ISCA1: variants seen among roughly 807,000 people sequenced by gnomAD.
ISCA1 encodes iron-sulfur cluster assembly 1 homolog, mitochondrial.
Under a neutral mutation model 14.7 loss-of-function variants are expected in ISCA1, and 9 were observed. The observed-to-expected ratio is 0.61, with a 90% CI of 0.37 to 1.07. The LOEUF is 1.07. Ranked by LOEUF, ISCA1 falls within the 50% of genes least tolerant of loss-of-function variation. ISCA1 has a pLI of 0.01. For synonymous variants in ISCA1, 38 were observed against 54.3 expected (o/e 0.70, Z 1.32); for missense variants, 102 against 150.1 (o/e 0.68, Z 1.67).
At chr9:86,268,111 TAAAA>T (rs973454445) in intron 3 of ISCA1, among the ~76,000 whole-genome samples, 1 of 148,052 alleles carries the variant, frequency 6.8e-6, no homozygotes, top group Non-Finnish European at 1.5e-5. Context: ...CTTCTACTTA[TAAAA>T]AAAAAAGTTA....
chr9:86,265,944 C>T lies in ISCA1; in HGVS notation c.*99G>A. On this transcript the variant is annotated 3_prime_UTR_variant, in exon 4 of 4. Transcript: ENST00000375991. ...CTGGATTCATTTTCAAGATGTATCACTTTATTTTCCAGCACGTGACAGTCA... is the reference window on the plus strand; with the variant it reads ...CTGGATTCATTTTCAAGATGTATCATTTTATTTTCCAGCACGTGACAGTCA... 6.6e-7 allele frequency: 1 copy of T among 1,521,202 alleles called. No homozygotes were observed. The highest frequency in any genetic ancestry group is 1.1e-5 in the South Asian group (1 of 88,484). The allele number at this position is 1,521,202 out of a possible 1,614,324, so 94.2% of individuals were successfully genotyped here. A position where few individuals can be genotyped will look rare whatever the true frequency, so the allele number is the denominator to read the frequency against.
chr9:86,276,923 G>C (rs1438013705), intron 1 of ISCA1, among the ~76,000 whole-genome samples: 1 of 148,736 alleles, frequency 6.7e-6, no homozygotes, highest in Non-Finnish European at 1.5e-5. Flanking sequence ...ATATCCGCGG[G>C]AACTAAAATC....
At chr9:86,273,882 A>G (rs1052951892) in intron 2 of ISCA1, among the ~76,000 whole-genome samples, 1 of 152,216 alleles carries the variant, frequency 6.6e-6, no homozygotes, top group Non-Finnish European at 1.5e-5. Flanking sequence ...AATCTGCCCT[A>G]AAGTGTCAAC....
chr9:86,265,920 TG>T lies in ISCA1; in HGVS notation c.*122del. The T allele has an allele frequency of 6.9e-7, 1 of 1,445,282 alleles. No homozygotes were observed. Among genetic ancestry groups the T allele is most frequent in the Non-Finnish European group, 9.7e-7 (1 of 1,028,566 alleles). 89.5% of individuals were successfully genotyped at this position (1,445,282 alleles called of 1,614,324 possible). A position where few individuals can be genotyped will look rare whatever the true frequency, so the allele number is the denominator to read the frequency against. ...TCATTTCTTCTGGAATCCAACACACTGGATTCATTTTCAAGATGTATCACTT... is the reference window on the plus strand; with the variant it reads ...TCATTTCTTCTGGAATCCAACACACTGATTCATTTTCAAGATGTATCACTT... On this transcript the variant is annotated 3_prime_UTR_variant, in exon 4 of 4. Transcript: ENST00000375991.
intron 1 of ISCA1, among the ~76,000 whole-genome samples, chr9:86,281,640 C>A (rs762398352): frequency 2.0e-5 from 3 of 152,208 alleles, no homozygotes; most frequent in Non-Finnish European, 2.9e-5. Flanking sequence ...CTGAACGGTG[C>A]GGCCGGAACA....
At position 86,282,431 on chromosome 9, in the gene ISCA1, C is replaced by T; in HGVS notation, c.28G>A (p.Val10Ile). 2 of 1,555,884 alleles carry T rather than the reference C, an allele frequency of 1.3e-6. No homozygotes were observed. The highest frequency in any genetic ancestry group is 2.4e-5 in the South Asian group (2 of 84,512). ...AGCTTCCTCTTGCTCACAGCCCGGA[C>T]AGTTGCCCGGACTAAGGAAGCCGAC... is the stretch of plus-strand genomic sequence containing the variant. MSASLVRAT[V>I]RAVSKRKLQP... The change falls in exon 1 of 4, where the codon GTC (valine) becomes ATC (isoleucine). Residue 10 changes from valine to isoleucine, a missense_variant. By Grantham distance (29) the Val-to-Ile change is conservative. Coordinates refer to ENST00000375991, the MANE Select transcript of ISCA1 (RefSeq NM_030940.4).
At chr9:86,279,424 A>C (rs1245384134) in intron 1 of ISCA1, among the ~76,000 whole-genome samples, 1 of 152,238 alleles carries the variant, frequency 6.6e-6, no homozygotes, top group Non-Finnish European at 1.5e-5. Context: ...TCCACTTGTC[A>C]ATTTCTAGAT....
chr9:86,271,373 G>C (rs906592540), intron 3 of ISCA1, among the ~76,000 whole-genome samples: 1 of 152,102 alleles, frequency 6.6e-6, no homozygotes, highest in African/African-American at 2.4e-5. Flanking sequence ...TTTGTCTAAC[G>C]TCACATTTCT....
At chr9:86,269,968 A>C (rs1362142974) in intron 3 of ISCA1, among the ~76,000 whole-genome samples, 3 of 151,996 alleles carry the variant, frequency 2.0e-5, no homozygotes, top group African/African-American at 7.2e-5. Context: ...CTTAAACGTT[A>C]GACCTAAAAC....
intron 1 of ISCA1, among the ~76,000 whole-genome samples, chr9:86,275,205 A>G (rs1377530876): frequency 6.6e-6 from 1 of 152,226 alleles, no homozygotes; most frequent in Admixed American, 6.5e-5. Flanking sequence ...AAAAATACCA[A>G]GTATTATTAT....
chr9:86,267,004 T>A (rs1240880283), intron 3 of ISCA1: 1 of 152,080 alleles, frequency 6.6e-6, no homozygotes, highest in Non-Finnish European at 1.5e-5. Flanking sequence ...AGCCAACAAA[T>A]ACAATCAATT....
rs184100894 is a variant in ISCA1 at position 86,281,333 on chromosome 9, A to T, written c.81+1045T>A. Among the ~76,000 whole-genome samples, 4 of 152,386 alleles carry T rather than the reference A, an allele frequency of 2.6e-5. No homozygotes were observed. The East Asian group carries it at 7.7e-4, about 29-fold the overall frequency. ...GATCACAATTTTCTTCTACTTTGCT[A>T]CAAACTTATTTTCTGGTAATAGGCC... is the stretch of plus-strand genomic sequence containing the variant. On this transcript the variant is annotated intron_variant, in intron 1 of 3. Transcript: ENST00000375991.
In ISCA1 at chr9:86,265,732, A is replaced by G. The variant is rs1825285644; in HGVS notation, c.*311T>C. Reference sequence around the variant, plus strand: ...AATGCTGAGGGATGATCAAGCCATCAATAGCGATCTAAGGAGTGCACACAG... The same window carrying G: ...AATGCTGAGGGATGATCAAGCCATCGATAGCGATCTAAGGAGTGCACACAG... On this transcript the variant is annotated 3_prime_UTR_variant, in exon 4 of 4. Transcript: ENST00000375991. 2 of 370,996 alleles carry G rather than the reference A, an allele frequency of 5.4e-6. No individual in the cohort carries two copies. Among genetic ancestry groups the G allele is most frequent in the Non-Finnish European group, 1.0e-5 (2 of 194,890 alleles). 23.0% of individuals were successfully genotyped at this position (370,996 alleles called of 1,614,324 possible).
intron 3 of ISCA1, among the ~76,000 whole-genome samples, chr9:86,268,699 C>CT (rs940447353): frequency 5.3e-4 from 80 of 151,132 alleles, no homozygotes; most frequent in East Asian, 4.9e-3. Context: ...CTTCTTCTTC[C>CT]TTTTTTTTTC....
At chr9:86,279,255 T>C (rs531029045) in intron 1 of ISCA1, among the ~76,000 whole-genome samples, 2 of 152,344 alleles carry the variant, frequency 1.3e-5, no homozygotes, top group Non-Finnish European at 2.9e-5. Flanking sequence ...CATTCTCTCA[T>C]AGAACTTGGT....
At chr9:86,282,130 T>G in intron 1 of ISCA1, 1 of 526,578 alleles carries the variant, frequency 1.9e-6, no homozygotes, top group Non-Finnish European at 3.3e-6. Flanking sequence ...CCGCACGCGG[T>G]TGCCGCGCGG....
intron 3 of ISCA1, 79 bp downstream of exon 3, chr9:86,271,928 T>C (rs1161506107): frequency 3.4e-5 from 26 of 763,160 alleles, no homozygotes; most frequent in Non-Finnish European, 5.7e-5. Flanking sequence ...CTACTATCCT[T>C]ATTTTTTACT....
At chr9:86,268,662 A>AC (rs1825323896) in intron 3 of ISCA1, among the ~76,000 whole-genome samples, 1 of 152,022 alleles carries the variant, frequency 6.6e-6, no homozygotes, top group African/African-American at 2.4e-5. Context: ...AACTGCCACA[A>AC]ACAGGTGTAC....
chr9:86,268,806 C>T (rs144080279), intron 3 of ISCA1, among the ~76,000 whole-genome samples: 256 of 150,888 alleles, frequency 1.7e-3, no homozygotes, highest in Non-Finnish European at 2.7e-3. Context: ...GTCTTTTTTT[C>T]TTTTTTGAGA....
Sources: gnomAD v4.1 joint callset for allele counts (sites outside exome capture counted in the v4.1 genomes callset) on GRCh38, gnomAD v4.1.1 for gene constraint, MANE v1.5 for transcripts, NCBI Gene and HGNC (gene_info 2026-07-23, HGNC 2026-07-21) for gene names.